ADARB1: variants seen among roughly 807,000 people sequenced by gnomAD.
ADARB1 encodes the protein double-stranded RNA-specific editase 1.
A neutral mutation model predicts 52.4 loss-of-function variants in ADARB1; 10 were observed. That is an observed-to-expected ratio of 0.19 (90% confidence interval 0.12 to 0.32). The LOEUF (loss-of-function observed/expected upper bound fraction) is 0.32, where lower values mean the gene tolerates loss of function less well. Among genes scored for constraint, ADARB1 ranks in the 10% least tolerant of loss-of-function variants. The pLI, the probability that ADARB1 is intolerant of heterozygous loss-of-function variation, is 1.00. For missense variants in ADARB1, 643 were observed against 922.3 expected (o/e 0.70, Z 3.92); for synonymous variants, 349 against 371.1 (o/e 0.94, Z 0.68).
chr21:45,212,634 G>A (rs1247521641), intron 9 of ADARB1, among the ~76,000 whole-genome samples: 3 of 152,110 alleles, frequency 2.0e-5, no homozygotes, highest in African/African-American at 7.2e-5. Flanking sequence ...GACGGTGTTG[G>A]AGCTCTGAGT....
In ADARB1 at chr21:45,118,050, T is replaced by C. The variant is rs17225629; in HGVS notation, c.-219-10352T>C. ...ATCATTAGGCTCCCTGTGCTTTTCC[T>C]GCAAGTGTAGTCTAAACATTTTAAT... On this transcript the variant is annotated intron_variant, in intron 1 of 10. Coordinates refer to ENST00000348831, the MANE Select transcript of ADARB1 (RefSeq NM_001112.4). 5.4e-3 allele frequency among the ~76,000 whole-genome samples: 827 copies of C among 152,382 alleles called. 6 individuals are homozygous for C. The highest frequency in any genetic ancestry group is 9.2e-3 in the Non-Finnish European group (628 of 68,030).
intron 1 of ADARB1, among the ~76,000 whole-genome samples, chr21:45,113,525 A>G (rs4819029): frequency 0.038 from 5,387 of 140,448 alleles, 100 homozygotes; most frequent in South Asian, 0.065. Context: ...GTGTGTGTGT[A>G]TATATATATA....
intron 1 of ADARB1, among the ~76,000 whole-genome samples, chr21:45,084,322 C>G (rs1461227150): frequency 6.6e-6 from 1 of 152,214 alleles, no homozygotes; most frequent in East Asian, 1.9e-4. Flanking sequence ...CCATGGCTGC[C>G]GAGGCTCACG....
At chr21:45,140,979 C>T (rs1307225039) in intron 2 of ADARB1, among the ~76,000 whole-genome samples, 1 of 152,114 alleles carries the variant, frequency 6.6e-6, no homozygotes, top group African/African-American at 2.4e-5. Context: ...TGCTTAAGCC[C>T]AGGAGTTTGA....
chr21:45,209,479 G>GCCAGGCAA (rs1394599694), intron 9 of ADARB1, among the ~76,000 whole-genome samples: 1 of 152,166 alleles, frequency 6.6e-6, no homozygotes, highest in Non-Finnish European at 1.5e-5. Context: ...CTGTGTGGGT[G>GCCAGGCAA]GGGCCCTGGA....
At position 45,222,202 on chromosome 21, in the gene ADARB1, G is replaced by A; in HGVS notation, c.*5G>A. 6.4e-7 allele frequency: 1 copy of A among 1,554,462 alleles called. No homozygotes were observed. Among genetic ancestry groups the A allele is most frequent in the South Asian group, 1.2e-5 (1 of 80,130 alleles). The stretch of plus-strand genomic sequence containing the variant: ...CAGTTCTCACTCACGCCCTGACCCG[G>A]GCAGACATGATGGGGGGTGCAGGGG... On this transcript the variant is annotated 3_prime_UTR_variant, in exon 11 of 11. Coordinates refer to ENST00000348831, the MANE Select transcript of ADARB1 (RefSeq NM_001112.4).
At chr21:45,162,992 C>T (rs1463204854) in intron 2 of ADARB1, among the ~76,000 whole-genome samples, 3 of 152,218 alleles carry the variant, frequency 2.0e-5, no homozygotes, top group Admixed American at 1.3e-4. Flanking sequence ...AGACTCTCAC[C>T]CAGTGCTCCC....
At chr21:45,100,133 C>G (rs1430010482) in intron 1 of ADARB1, among the ~76,000 whole-genome samples, 1 of 152,136 alleles carries the variant, frequency 6.6e-6, no homozygotes, top group Non-Finnish European at 1.5e-5. Flanking sequence ...TCACTTTTAA[C>G]TTGTAAAAAT....
intron 1 of ADARB1, among the ~76,000 whole-genome samples, chr21:45,083,370 C>T (rs1275048340): frequency 1.3e-5 from 2 of 152,174 alleles, no homozygotes; most frequent in African/African-American, 2.4e-5. Context: ...TCTGTGTTAT[C>T]TCCAGATTTC....
chr21:45,145,775 CG>C (rs1308722035), intron 2 of ADARB1: 1 of 152,212 alleles, frequency 6.6e-6, no homozygotes, highest in African/African-American at 2.4e-5. Flanking sequence ...ACAAGCTTAC[CG>C]TGGTATCTTT....
intron 2 of ADARB1, among the ~76,000 whole-genome samples, chr21:45,152,031 C>T (rs545055668): frequency 6.8e-4 from 103 of 152,108 alleles, no homozygotes; most frequent in Admixed American, 2.2e-3. Context: ...TCTCTGGGGG[C>T]GGGGGGATCC....
chr21:45,185,049 G>C lies in ADARB1; in HGVS notation c.1523G>C (p.Gly508Ala). ...SIQTWDGVLQGERLLTMSCSD... is the reference protein window; with the variant it reads ...SIQTWDGVLQAERLLTMSCSD... ...CAAACGTGGGACGGGGTGCTGCAAG[G>C]GGAGCGGCTGCTCACCATGTCCTGC... Residue 508 changes from glycine to alanine, a missense_variant, in exon 8 of 11, where the codon GGG (glycine) becomes GCG (alanine). Physicochemically the swap from Gly to Ala is moderately conservative, Grantham distance 60. Transcript: ENST00000348831. 1 of 1,614,218 alleles carries C rather than the reference G, an allele frequency of 6.2e-7. No individual in the cohort carries two copies. Among genetic ancestry groups the C allele is most frequent in the Non-Finnish European group, 8.5e-7 (1 of 1,180,028 alleles).
rs2092973453 is a variant in ADARB1 at position 45,221,998 on chromosome 21, G to GT, written c.1927-13dup. On this transcript the variant is annotated intron_variant, in intron 10 of 10. Coordinates refer to ENST00000348831, the MANE Select transcript of ADARB1 (RefSeq NM_001112.4). The surrounding 1 kb of genome is among the most constrained non-coding windows in gnomAD (Gnocchi z 4.9). ...TGTTACAGCGTCAACAGTTGCATTT[G>GT]TTTTTTTATCCCTTCACAGGTTCCC... The GT allele has an allele frequency of 1.9e-6, 3 of 1,610,846 alleles. No homozygotes were observed. Among genetic ancestry groups the GT allele is most frequent in the Non-Finnish European group, 2.5e-6 (3 of 1,177,694 alleles).
chr21:45,202,980 T>A (rs2092590375), intron 8 of ADARB1, among the ~76,000 whole-genome samples: 1 of 150,268 alleles, frequency 6.7e-6, no homozygotes, highest in African/African-American at 2.5e-5. Flanking sequence ...TGTGCCACAC[T>A]GTGCTGAGCG....
At chr21:45,164,307 C>T (rs563930968) in intron 2 of ADARB1, among the ~76,000 whole-genome samples, 1 of 152,180 alleles carries the variant, frequency 6.6e-6, no homozygotes, top group East Asian at 1.9e-4. Context: ...GCCACGAAAG[C>T]CCCAAGTTTG....
chr21:45,196,222 G>A (rs66664884), intron 8 of ADARB1, among the ~76,000 whole-genome samples: 22,210 of 151,566 alleles, frequency 0.15, 2,202 homozygotes, highest in African/African-American at 0.28. Flanking sequence ...TTTGACCAAG[G>A]CACAAAGGCA....
intron 2 of ADARB1, among the ~76,000 whole-genome samples, chr21:45,161,343 G>T (rs188626188): frequency 3.3e-4 from 50 of 152,308 alleles, no homozygotes; most frequent in African/African-American, 1.2e-3. Flanking sequence ...CCCCTGCCCC[G>T]ACAGGCTGAG....
chr21:45,203,460 TC>T (rs34414317), intron 8 of ADARB1, among the ~76,000 whole-genome samples: 1 of 152,082 alleles, frequency 6.6e-6, no homozygotes, highest in African/African-American at 2.4e-5. Flanking sequence ...GAGCTGTATC[TC>T]CCCCCAGGTA....
intron 2 of ADARB1, among the ~76,000 whole-genome samples, chr21:45,159,053 C>T (rs1050180313): frequency 5.3e-5 from 8 of 152,048 alleles, no homozygotes; most frequent in African/African-American, 1.4e-4. Flanking sequence ...AACATAGATA[C>T]AAAATAAACT....
Sources: gnomAD v4.1 joint callset for allele counts (sites outside exome capture counted in the v4.1 genomes callset) on GRCh38, gnomAD v4.1.1 for gene constraint, Gnocchi (gnomAD v3.1) non-coding constraint, MANE v1.5 for transcripts, NCBI Gene and HGNC (gene_info 2026-07-23, HGNC 2026-07-21) for gene names.